MEF2C: variants seen among roughly 807,000 people sequenced by gnomAD.
MEF2C encodes the protein myocyte-specific enhancer factor 2C.
MEF2C carries 6 observed loss-of-function variants against 50.5 expected under a neutral mutation model. That is an observed-to-expected ratio of 0.12 (90% confidence interval 0.07 to 0.23). MEF2C has a LOEUF of 0.23. MEF2C is among the 10% of genes least tolerant of loss of function. MEF2C has a pLI of 1.00. For synonymous variants in MEF2C, 183 were observed against 228.0 expected (o/e 0.80, Z 1.78); for missense variants, 276 against 605.0 (o/e 0.46, Z 5.70).
intron 2 of MEF2C, among the ~76,000 whole-genome samples, chr5:88,808,845 C>T (rs1009520502): frequency 3.3e-5 from 5 of 151,916 alleles, no homozygotes; most frequent in African/African-American, 1.2e-4. Flanking sequence ...TTAAATAATG[C>T]CTTGTGATGG....
chr5:88,742,463 A>C, intron 6 of MEF2C: 2 of 979,786 alleles, frequency 2.0e-6, no homozygotes, highest in Non-Finnish European at 2.4e-6. Context: ...AATCAATGGG[A>C]TATGAGTAAA....
intron 1 of MEF2C, among the ~76,000 whole-genome samples, chr5:88,894,527 T>C (rs1333418454): frequency 6.6e-6 from 1 of 152,206 alleles, no homozygotes; most frequent in Non-Finnish European, 1.5e-5. Context: ...TGCTACACAG[T>C]CTTAAAACTG....
intron 1 of MEF2C, among the ~76,000 whole-genome samples, chr5:88,874,260 TATGTTCAATAGTTGA>T (rs1830424285): frequency 6.6e-6 from 1 of 151,954 alleles, no homozygotes; most frequent in African/African-American, 2.4e-5. Flanking sequence ...ATTCCATACA[TATGTTCAATAGTTGA>T]AACTTTACAA....
At chr5:88,750,488 G>A (rs1434803432) in intron 5 of MEF2C, among the ~76,000 whole-genome samples, 1 of 152,056 alleles carries the variant, frequency 6.6e-6, no homozygotes, top group Non-Finnish European at 1.5e-5. Context: ...GATTACAGGC[G>A]TGACCCACTG....
intron 6 of MEF2C, chr5:88,736,732 T>TA: frequency 1.0e-6 from 1 of 985,404 alleles, no homozygotes; most frequent in Non-Finnish European, 1.2e-6. Context: ...CATGAGTGCT[T>TA]AACACAGTTG....
rs1037466516 is a variant in MEF2C at position 88,720,104 on chromosome 5, C to T, written c.*2500G>A. 6.6e-6 allele frequency: 1 copy of T among 152,076 alleles called. No homozygotes were observed. Among genetic ancestry groups the T allele is most frequent in the African/African-American group, 2.4e-5 (1 of 41,426 alleles). 9.4% of individuals were successfully genotyped at this position (152,076 alleles called of 1,614,324 possible). A position where few individuals can be genotyped will look rare whatever the true frequency, so the allele number is the denominator to read the frequency against. ...TAAAGTATTTTGAAATGACAAAGAACATTTGTGAAATGTTTGCATATTTTA... is the reference window on the plus strand; with the variant it reads ...TAAAGTATTTTGAAATGACAAAGAATATTTGTGAAATGTTTGCATATTTTA... On this transcript the variant is annotated 3_prime_UTR_variant, in exon 11 of 11. Transcript: ENST00000504921.
intron 1 of MEF2C, among the ~76,000 whole-genome samples, chr5:88,861,735 T>C (rs4518438): frequency 0.45 from 68,686 of 151,984 alleles, 16,214 homozygotes; most frequent in Non-Finnish European, 0.52. Flanking sequence ...TGGAGGGTTT[T>C]CAGTTGTATT....
rs553139849 is a variant in MEF2C at position 88,802,447 on chromosome 5, G to T, written c.258+2151C>A. Among the ~76,000 whole-genome samples the T allele has an allele frequency of 2.8e-3, 425 of 152,048 alleles. 2 individuals carry two copies. Among genetic ancestry groups the T allele is most frequent in the African/African-American group, 8.2e-3 (341 of 41,500 alleles). On this transcript the variant is annotated intron_variant, in intron 3 of 10. Transcript: ENST00000504921. ...TACAATATATGAAGTGGGTTTTTTT[G>T]TTGTTGTTGTTGTTAAACAGACAGG...
chr5:88,841,249 C>T (rs1233261887), intron 1 of MEF2C, among the ~76,000 whole-genome samples: 2 of 152,122 alleles, frequency 1.3e-5, no homozygotes, highest in Admixed American at 1.3e-4. Context: ...GTGGCTCACA[C>T]CTGCACTCCC....
intron 1 of MEF2C, chr5:88,824,273 A>C: frequency 3.0e-6 from 3 of 985,052 alleles, no homozygotes; most frequent in Non-Finnish European, 3.6e-6. Context: ...GTTATGAAAA[A>C]TTACCTAAAT....
intron 3 of MEF2C, among the ~76,000 whole-genome samples, chr5:88,768,431 T>C (rs751409026): frequency 1.3e-5 from 2 of 152,212 alleles, no homozygotes; most frequent in Non-Finnish European, 2.9e-5. Context: ...ACATATTTAC[T>C]AACTGCTACT....
chr5:88,824,417 TATGAAAG>T, intron 1 of MEF2C: 1 of 881,366 alleles, frequency 1.1e-6, no homozygotes, highest in Non-Finnish European at 1.4e-6. Context: ...GATGGACGAT[TATGAAAG>T]TGCTATTTGA....
intron 1 of MEF2C, among the ~76,000 whole-genome samples, chr5:88,876,631 T>C (rs1268322453): frequency 6.6e-6 from 1 of 151,958 alleles, no homozygotes; most frequent in African/African-American, 2.4e-5. Flanking sequence ...TAAATAAGCA[T>C]ATTTAAGCCA....
At chr5:88,860,415 C>T (rs1162486349) in intron 1 of MEF2C, among the ~76,000 whole-genome samples, 1 of 151,686 alleles carries the variant, frequency 6.6e-6, no homozygotes, top group African/African-American at 2.4e-5. Flanking sequence ...TGGATTTGTC[C>T]ATTCTCTATT....
chr5:88,767,174 T>C lies in MEF2C; in HGVS notation c.259-5846A>G, dbSNP rs7702675. Among the ~76,000 whole-genome samples the C allele has an allele frequency of 9.2e-3, 1,403 of 152,318 alleles. 23 individuals are homozygous for C. The highest frequency in any genetic ancestry group is 0.032 in the African/African-American group (1,311 of 41,562). ...TTAAAATTTATTCGGCAAACAATTA[T>C]TGAAAACCTACCATGTGCCAGATAC... is the stretch of plus-strand genomic sequence containing the variant. On this transcript the variant is annotated intron_variant, in intron 3 of 10. Transcript: ENST00000504921.
At chr5:88,755,837 A>G (rs1347994477) in intron 4 of MEF2C, among the ~76,000 whole-genome samples, 4 of 152,246 alleles carry the variant, frequency 2.6e-5, no homozygotes, top group Non-Finnish European at 5.9e-5. Context: ...TTATATGCAC[A>G]TCCAAAATAA....
intron 4 of MEF2C, chr5:88,752,561 A>C (rs1408300190): frequency 2.1e-6 from 2 of 953,032 alleles, no homozygotes; most frequent in Non-Finnish European, 2.5e-6. Context: ...TTTTAAAAGT[A>C]ACTCTAAAGA....
intron 1 of MEF2C, among the ~76,000 whole-genome samples, chr5:88,829,146 T>C (rs1812058017): frequency 1.3e-5 from 2 of 152,018 alleles, no homozygotes; most frequent in Admixed American, 1.3e-4. Context: ...GTACCACATA[T>C]ACAAATAATG....
At chr5:88,854,650 T>C (rs549378747) in intron 1 of MEF2C, among the ~76,000 whole-genome samples, 3 of 152,330 alleles carry the variant, frequency 2.0e-5, no homozygotes, top group African/African-American at 7.2e-5. Flanking sequence ...ACATCTATTA[T>C]GTGTAACAGA....
Sources: gnomAD v4.1 joint callset for allele counts (sites outside exome capture counted in the v4.1 genomes callset) on GRCh38, gnomAD v4.1.1 for gene constraint, MANE v1.5 for transcripts, NCBI Gene and HGNC (gene_info 2026-07-23, HGNC 2026-07-21) for gene names.